The following HMCN1 variants were observed in gnomAD, a reference collection of about 807,000 sequenced individuals.
HMCN1 encodes hemicentin 1, also known as hemicentin-1.
HMCN1 carries 321 observed loss-of-function variants against 625.9 expected under a neutral mutation model. That is an observed-to-expected ratio of 0.51 (90% CI 0.47 to 0.56). The LOEUF is 0.56. HMCN1 is among the 20% of genes least tolerant of loss of function. The pLI, the probability that HMCN1 is intolerant of heterozygous loss-of-function variation, is 0.00. For missense variants in HMCN1, 6,588 were observed against 6,887.3 expected (o/e 0.96, Z 1.54); for synonymous variants, 2,425 against 2,417.6 (o/e 1.00, Z -0.09).
intron 1 of HMCN1, among the ~76,000 whole-genome samples, chr1:185,845,663 G>A (rs572878491): frequency 4.3e-4 from 66 of 152,338 alleles, no homozygotes; most frequent in Non-Finnish European, 7.8e-4. Context: ...AAGTTGGGCA[G>A]ACTGAATTAT....
At chr1:185,740,856 TG>T (rs1297320392) in intron 1 of HMCN1, among the ~76,000 whole-genome samples, 1 of 151,930 alleles carries the variant, frequency 6.6e-6, no homozygotes, top group Non-Finnish European at 1.5e-5. Flanking sequence ...TAGCCGGGCA[TG>T]GTGGCACGTG....
intron 1 of HMCN1, among the ~76,000 whole-genome samples, chr1:185,803,205 C>CAAAAAAAAAAAAA: frequency 2.6e-4 from 15 of 58,754 alleles, no homozygotes; most frequent in Non-Finnish European, 6.3e-4. Context: ...AAAAAAAAAG[C>CAAAAAAAAAAAAA]AAAAAAAAAA....
chr1:186,087,898 A>G, intron 60 of HMCN1, 34 bp from the exon 61 acceptor site: 1 of 1,558,838 alleles, frequency 6.4e-7, no homozygotes, highest in Non-Finnish European at 8.8e-7. Context: ...CTATAACTTA[A>G]TGGAGCACAT....
intron 1 of HMCN1, among the ~76,000 whole-genome samples, chr1:185,760,411 T>A (rs1374082511): frequency 6.6e-6 from 1 of 152,188 alleles, no homozygotes; most frequent in Non-Finnish European, 1.5e-5. Context: ...AGAATATGTC[T>A]TACAATGGGG....
intron 48 of HMCN1, among the ~76,000 whole-genome samples, chr1:186,063,655 T>C (rs113998205): frequency 0.011 from 1,642 of 152,300 alleles, 32 homozygotes; most frequent in South Asian, 0.036. Context: ...TTTTCCTTTT[T>C]TTCTTAAATT....
chr1:186,160,330 G>T (rs1178048375), intron 97 of HMCN1, among the ~76,000 whole-genome samples: 1 of 147,240 alleles, frequency 6.8e-6, no homozygotes, highest in African/African-American at 2.5e-5. Flanking sequence ...TATTAGTCTT[G>T]CTAGTGGTCT....
chr1:186,024,776 G>A (rs1654952282), intron 36 of HMCN1, among the ~76,000 whole-genome samples: 1 of 152,058 alleles, frequency 6.6e-6, no homozygotes, highest in African/African-American at 2.4e-5. Context: ...TTAAAAAGAA[G>A]GATGTTTTGT....
chr1:185,851,633 C>T (rs1662167036), intron 2 of HMCN1, among the ~76,000 whole-genome samples: 1 of 152,044 alleles, frequency 6.6e-6, no homozygotes, highest in South Asian at 2.1e-4. Context: ...AATTAATATC[C>T]TCGTAAATAT....
chr1:185,917,992 A>G (rs1365518182), intron 6 of HMCN1, among the ~76,000 whole-genome samples: 1 of 152,094 alleles, frequency 6.6e-6, no homozygotes, highest in Non-Finnish European at 1.5e-5. Flanking sequence ...AAGGCTACCT[A>G]TTTACAACTT....
chr1:186,081,462 G>T, intron 56 of HMCN1, 68 bp downstream of exon 56: 1 of 1,153,548 alleles, frequency 8.7e-7, no homozygotes, highest in Non-Finnish European at 1.3e-6. Context: ...AATTGTTTTT[G>T]ACTTTTAAAA....
intron 14 of HMCN1, 57 bp from the exon 15 acceptor site, chr1:185,970,278 T>G (rs1053944770): frequency 5.4e-6 from 8 of 1,485,086 alleles, no homozygotes; most frequent in Non-Finnish European, 7.5e-6. Context: ...AACCAATAGC[T>G]GCATAAACAA....
chr1:185,886,216 A>G (rs1229395032), intron 4 of HMCN1, among the ~76,000 whole-genome samples: 1 of 130,190 alleles, frequency 7.7e-6, no homozygotes, highest in African/African-American at 4.1e-5. Flanking sequence ...CTATTGGAAG[A>G]AAAAAAAAAA....
At chr1:185,985,076 C>T (rs1651918792) in intron 19 of HMCN1, among the ~76,000 whole-genome samples, 1 of 151,952 alleles carries the variant, frequency 6.6e-6, no homozygotes, top group Admixed American at 6.6e-5. Context: ...TTGGAGAGTC[C>T]AGTAGTTTTC....
intron 51 of HMCN1, among the ~76,000 whole-genome samples, chr1:186,070,252 T>C (rs887444251): frequency 9.2e-5 from 14 of 152,312 alleles, no homozygotes; most frequent in Middle Eastern, 3.4e-3. Flanking sequence ...AAAGGAAGAG[T>C]ATCTTTCTGA....
chr1:185,909,326 C>T lies in HMCN1; in HGVS notation c.622-11C>T, dbSNP rs370663201. On this transcript the variant is annotated splice_polypyrimidine_tract_variant and intron_variant, in intron 4 of 106. Coordinates refer to ENST00000271588, the MANE Select transcript of HMCN1 (RefSeq NM_031935.3). Reference sequence around the variant, plus strand: ...TCTGATATCACTTACACTTCTCTTTCTCTCTTATAGGTATTAAAATGGGTA... The same window carrying T: ...TCTGATATCACTTACACTTCTCTTTTTCTCTTATAGGTATTAAAATGGGTA... 31 of 1,602,622 alleles carry T rather than the reference C, an allele frequency of 1.9e-5. No homozygotes were observed. The highest frequency in any genetic ancestry group is 1.7e-6 in the Non-Finnish European group (2 of 1,169,990).
intron 15 of HMCN1, among the ~76,000 whole-genome samples, chr1:185,976,532 A>G (rs1651228986): frequency 1.3e-5 from 2 of 152,188 alleles, no homozygotes; most frequent in African/African-American, 4.8e-5. Flanking sequence ...TAGTGTGACT[A>G]TGAGCAGTTG....
intron 93 of HMCN1, among the ~76,000 whole-genome samples, chr1:186,146,470 A>G (rs1650323497): frequency 6.6e-6 from 1 of 152,214 alleles, no homozygotes; most frequent in South Asian, 2.1e-4. Flanking sequence ...CTAATACTCA[A>G]TACCTTGTCT....
intron 89 of HMCN1, among the ~76,000 whole-genome samples, chr1:186,138,190 C>G (rs966508204): frequency 6.6e-6 from 1 of 152,082 alleles, no homozygotes; most frequent in East Asian, 1.9e-4. Flanking sequence ...TTTAATTGAA[C>G]TTGAAGAAAG....
chr1:185,996,751 T>TAG (rs1364610590), intron 24 of HMCN1, among the ~76,000 whole-genome samples: 1 of 151,418 alleles, frequency 6.6e-6, no homozygotes, highest in East Asian at 2.0e-4. Context: ...GTGAAGGAGA[T>TAG]AGAGTTCTCA....
Sources: allele counts gnomAD v4.1 joint callset (sites outside exome capture counted in the v4.1 genomes callset), GRCh38; gene constraint gnomAD v4.1.1; transcripts MANE v1.5; gene names NCBI Gene and HGNC (gene_info 2026-07-23, HGNC 2026-07-21).